PTGER3: variants seen among roughly 807,000 people sequenced by gnomAD.
PTGER3 encodes the protein prostaglandin E2 receptor EP3 subtype.
Under a neutral mutation model 34.7 loss-of-function variants are expected in PTGER3, and 22 were observed. The observed-to-expected ratio is 0.63, with a 90% CI of 0.45 to 0.91. PTGER3 has a LOEUF of 0.91. Among genes scored for constraint, PTGER3 ranks in the 40% least tolerant of loss-of-function variants. The pLI is 0.00. For synonymous variants in PTGER3, 241 were observed against 230.1 expected, an observed-to-expected ratio of 1.05 and a Z score of -0.43; for missense variants, 468 against 519.4, an observed-to-expected ratio of 0.90 and a Z score of 0.96.
chr1:70,992,132 G>A (rs973630294), intron 2 of PTGER3, among the ~76,000 whole-genome samples: 3 of 152,154 alleles, frequency 2.0e-5, no homozygotes, highest in Non-Finnish European at 2.9e-5. Flanking sequence ...CAGTCACACA[G>A]CTAGTAAGTA....
intron 4 of PTGER3, among the ~76,000 whole-genome samples, chr1:70,879,075 A>G (rs1035125759): frequency 6.6e-6 from 1 of 151,806 alleles, no homozygotes; most frequent in Non-Finnish European, 1.5e-5. Context: ...GAGTGTTAAA[A>G]TCTCCTAGTA....
At chr1:70,929,039 T>C (rs1648439478) in intron 4 of PTGER3, among the ~76,000 whole-genome samples, 1 of 152,122 alleles carries the variant, frequency 6.6e-6, no homozygotes, top group Non-Finnish European at 1.5e-5. Flanking sequence ...TTTTCAGAAC[T>C]CCGTTTCTCA....
chr1:70,974,459 GCATATCAAAGTCA>G, intron 2 of PTGER3, 71 bp from the exon 3 acceptor site: 1 of 746,418 alleles, frequency 1.3e-6, no homozygotes, highest in South Asian at 1.4e-5. Context: ...ACCAAAACCT[GCATATCAAAGTCA>G]CATTGGCTAT....
At chr1:70,991,894 C>G (rs1655515720) in intron 2 of PTGER3, among the ~76,000 whole-genome samples, 1 of 152,008 alleles carries the variant, frequency 6.6e-6, no homozygotes, top group Non-Finnish European at 1.5e-5. Flanking sequence ...AATGAAAATT[C>G]TTAGATTATA....
chr1:70,880,150 T>C (rs1646358963), intron 4 of PTGER3, among the ~76,000 whole-genome samples: 1 of 152,250 alleles, frequency 6.6e-6, no homozygotes, highest in East Asian at 1.9e-4. Flanking sequence ...CTGGTTATTA[T>C]GCAGACTTGA....
At chr1:70,952,975 C>T (rs1650913461) in exon 4 of PTGER3, 2 of 1,613,230 alleles carry the variant, frequency 1.2e-6, no homozygotes, top group Non-Finnish European at 1.7e-6. Context: ...TCCATTTCTT[C>T]TCTGTTCAGC....
chr1:71,000,341 TTGACA>T (rs2100810047), intron 2 of PTGER3, among the ~76,000 whole-genome samples: 1 of 152,324 alleles, frequency 6.6e-6, no homozygotes, highest in East Asian at 1.9e-4. Context: ...CCTGCTGTCA[TTGACA>T]TGAGAATTTG....
At chr1:71,007,418 G>C (rs1318519051) in intron 2 of PTGER3, 2 of 985,506 alleles carry the variant, frequency 2.0e-6, no homozygotes, top group Non-Finnish European at 2.4e-6. Flanking sequence ...ATAATGGCCT[G>C]AGTGAACTTA....
chr1:71,019,728 T>G (rs80143560), intron 1 of PTGER3, among the ~76,000 whole-genome samples: 239 of 152,334 alleles, frequency 1.6e-3, no homozygotes, highest in Non-Finnish European at 2.9e-3. Flanking sequence ...CTTTAGTACT[T>G]CACTTCTTAA....
At chr1:70,861,915 C>T (rs1203992141) in intron 4 of PTGER3, among the ~76,000 whole-genome samples, 1 of 151,472 alleles carries the variant, frequency 6.6e-6, no homozygotes, top group Non-Finnish European at 1.5e-5. Flanking sequence ...ACTGTTTGGT[C>T]CCTTCCCTCC....
At chr1:70,869,409 C>T (rs1345180194) in intron 4 of PTGER3, 1 of 386,014 alleles carries the variant, frequency 2.6e-6, no homozygotes, top group Non-Finnish European at 5.2e-6. Flanking sequence ...ACCCCTAAAT[C>T]TCACATCCTT....
At chr1:71,036,558 G>C (rs1372987528) in intron 1 of PTGER3, among the ~76,000 whole-genome samples, 2 of 151,402 alleles carry the variant, frequency 1.3e-5, no homozygotes, top group African/African-American at 4.9e-5. Flanking sequence ...TAAAAGAAAG[G>C]GGCCCGGCAC....
At chr1:70,875,742 T>A (rs1646258339) in intron 4 of PTGER3, among the ~76,000 whole-genome samples, 1 of 152,182 alleles carries the variant, frequency 6.6e-6, no homozygotes. Flanking sequence ...TTTTTCTGCA[T>A]TAGTTTGCTT....
At chr1:70,973,583 GAATAA>G (rs997653697) in intron 3 of PTGER3, among the ~76,000 whole-genome samples, 5 of 151,980 alleles carry the variant, frequency 3.3e-5, no homozygotes, top group African/African-American at 1.2e-4. Context: ...ATTACCCAGA[GAATAA>G]AATAAAATGA....
At chr1:70,907,793 A>G (rs1309157274) in intron 4 of PTGER3, among the ~76,000 whole-genome samples, 1 of 152,154 alleles carries the variant, frequency 6.6e-6, no homozygotes, top group African/African-American at 2.4e-5. Context: ...CTGTCAGGGG[A>G]TTAAAAACCC....
In PTGER3 at chr1:71,043,878, G is replaced by A. The variant is rs550367638; in HGVS notation, c.897+2803C>T. On this transcript the variant is annotated intron_variant, in intron 1 of 3. Coordinates refer to ENST00000306666, the MANE Select transcript of PTGER3 (RefSeq NM_198719.2). ...GTCACCCGTGCTGGAGTGCAGTGGC[G>A]TGATCTCGGCTCACAGCAACCTCTG... 3.4e-4 allele frequency among the ~76,000 whole-genome samples: 52 copies of A among 150,890 alleles called. 1 individual carries two copies. In the East Asian group the frequency reaches 7.4e-3, roughly 21 times the overall value.
rs146224529 is a variant in PTGER3, at chr1:70,936,231, C to A, written c.*23+17532G>T. Among the ~76,000 whole-genome samples the A allele has an allele frequency of 6.9e-4, 105 of 152,242 alleles. 1 individual carries two copies. Among genetic ancestry groups the A allele is most frequent in the African/African-American group, 2.3e-3 (95 of 41,558 alleles). Reference sequence around the variant, plus strand: ...GGCTCTGGGCTAGGATGAGACCAAGCACTGTGTGCTTTGCCAAGCCCTCTA... The same window carrying A: ...GGCTCTGGGCTAGGATGAGACCAAGAACTGTGTGCTTTGCCAAGCCCTCTA... On this transcript the variant is annotated intron_variant, in intron 4 of 4. Transcript: ENST00000370931.
chr1:70,971,817 A>G, intron 3 of PTGER3, 84 bp from the exon 4 acceptor site: 1 of 852,416 alleles, frequency 1.2e-6, no homozygotes, highest in Non-Finnish European at 1.8e-6. Flanking sequence ...GAGGAGTAAA[A>G]TATAAGTAAT....
intron 4 of PTGER3, among the ~76,000 whole-genome samples, chr1:70,936,494 A>C (rs1445869998): frequency 2.0e-5 from 3 of 152,196 alleles, no homozygotes; most frequent in Admixed American, 2.0e-4. Flanking sequence ...CAATTCCAAA[A>C]AGTGTAAAGT....
Sources: gnomAD v4.1 joint callset for allele counts (sites outside exome capture counted in the v4.1 genomes callset) on GRCh38, gnomAD v4.1.1 for gene constraint, MANE v1.5 for transcripts, NCBI Gene and HGNC (gene_info 2026-07-23, HGNC 2026-07-21) for gene names.